Variants in SPATA22 observed in about 807,000 individuals in gnomAD.
SPATA22 encodes spermatogenesis-associated protein 22.
SPATA22 carries 29 observed loss-of-function variants against 47.8 expected under a neutral mutation model. The ratio of observed to expected loss-of-function variants is 0.61; its 90% CI spans 0.45 to 0.83. The LOEUF (loss-of-function observed/expected upper bound fraction) is 0.83. SPATA22 is among the 40% of genes least tolerant of loss of function. SPATA22 has a pLI of 0.00. For missense variants in SPATA22, 410 were observed against 421.7 expected (o/e 0.97, Z 0.24); for synonymous variants, 133 against 140.9 (o/e 0.94, Z 0.40).
intron 1 of SPATA22, among the ~76,000 whole-genome samples, chr17:3,507,307 A>G (rs186442629): frequency 1.3e-4 from 20 of 152,350 alleles, no homozygotes; most frequent in Admixed American, 1.3e-3. Context: ...TATAAACATT[A>G]AATGAGACAT....
chr17:3,467,968 C>A (rs963027240), intron 2 of SPATA22, among the ~76,000 whole-genome samples: 2 of 152,174 alleles, frequency 1.3e-5, no homozygotes, highest in Non-Finnish European at 2.9e-5. Flanking sequence ...GTGGCACACC[C>A]TTTTGGGCCT....
chr17:3,495,977 T>C (rs9906620), intron 1 of SPATA22, among the ~76,000 whole-genome samples: 6,124 of 152,254 alleles, frequency 0.04, 390 homozygotes, highest in African/African-American at 0.14. Context: ...GATGATATCA[T>C]GGCAGGCTAA....
intron 3 of SPATA22, among the ~76,000 whole-genome samples, chr17:3,463,854 G>A (rs2073190983): frequency 6.6e-6 from 1 of 151,468 alleles, no homozygotes; most frequent in East Asian, 1.9e-4. Flanking sequence ...TTCAAAGATC[G>A]ATTATACCTC....
chr17:3,467,525 T>C lies in SPATA22; in HGVS notation c.73A>G (p.Lys25Glu), dbSNP rs1247566855. 1.2e-6 allele frequency: 2 copies of C among 1,609,040 alleles called. No individual in the cohort carries two copies. The highest frequency in any genetic ancestry group is 1.7e-6 in the Non-Finnish European group (2 of 1,177,558). Residue 25 changes from lysine (K) to glutamate (E), a missense_variant, in exon 3 of 9, where the codon AAA becomes GAA. Physicochemically the swap from Lys to Glu is moderately conservative, Grantham distance 56. Coordinates refer to ENST00000572969, the MANE Select transcript of SPATA22 (RefSeq NM_001170698.2). ...GCLPVPLFNQ[K>E]KRNRQPLTSN... Reference sequence around the variant, plus strand: ...GTTAATGGCTGTCTGTTCCTCTTTTTCTGATTGAACAACGGAACAGGCAAA... The same window carrying C: ...GTTAATGGCTGTCTGTTCCTCTTTTCCTGATTGAACAACGGAACAGGCAAA...
intron 1 of SPATA22, among the ~76,000 whole-genome samples, chr17:3,496,467 C>A (rs930281359): frequency 6.6e-6 from 1 of 152,142 alleles, no homozygotes; most frequent in East Asian, 1.9e-4. Context: ...AGATGAGAAG[C>A]CAGCCATGTG....
rs1567602778 is a variant in SPATA22 at position 3,465,061 on chromosome 17, G to GTGTGCCCAACAGCTCATTGAGAAC, written c.173-2295_173-2294insGTTCTCAATGAGCTGTTGGGCACA. 1.1e-3 allele frequency among the ~76,000 whole-genome samples: 143 copies of GTGTGCCCAACAGCTCATTGAGAAC among 124,924 alleles called. 6 individuals are homozygous for GTGTGCCCAACAGCTCATTGAGAAC. The highest frequency in any genetic ancestry group is 1.5e-3 in the African/African-American group (50 of 34,364). The allele number at this position is 124,924 out of a possible 152,430, so 82.0% of individuals were successfully genotyped here. On this transcript the variant is annotated intron_variant, in intron 3 of 8. Transcript: ENST00000572969. The stretch of plus-strand genomic sequence containing the variant: ...CCCGGCCAGCCGCCCCGTCCGGGAG[G>GTGTGCCCAACAGCTCATTGAGAAC]GAGGTGGGGGGTCAGCCCCTCCACC...
intron 5 of SPATA22, among the ~76,000 whole-genome samples, chr17:3,457,709 A>C (rs1396273863): frequency 6.6e-6 from 1 of 152,224 alleles, no homozygotes; most frequent in Non-Finnish European, 1.5e-5. Context: ...AAGTGAGAAG[A>C]ACACACAATG....
intron 1 of SPATA22, chr17:3,483,707 G>A: frequency 9.8e-7 from 1 of 1,022,252 alleles, no homozygotes; most frequent in Non-Finnish European, 1.5e-6. Context: ...CTGTCACCCA[G>A]GCTGGAGTCC....
At chr17:3,450,336 T>C (rs141623933) in intron 5 of SPATA22, among the ~76,000 whole-genome samples, 152 of 152,328 alleles carry the variant, frequency 1.0e-3, no homozygotes, top group Non-Finnish European at 1.6e-3. Context: ...ACACTGTTAA[T>C]TGGGTACAAA....
chr17:3,445,762 T>C (rs1441374467), intron 7 of SPATA22, among the ~76,000 whole-genome samples: 4 of 152,122 alleles, frequency 2.6e-5, no homozygotes, highest in African/African-American at 9.7e-5. Flanking sequence ...GTGAAATGAC[T>C]GCACTGATAG....
intron 1 of SPATA22, among the ~76,000 whole-genome samples, chr17:3,507,657 G>T (rs143792266): frequency 6.6e-5 from 10 of 152,294 alleles, no homozygotes; most frequent in South Asian, 6.2e-4. Flanking sequence ...ATGTCATTCC[G>T]TCTGTCTCCA....
At chr17:3,456,574 A>G (rs1450869276) in intron 5 of SPATA22, among the ~76,000 whole-genome samples, 2 of 152,210 alleles carry the variant, frequency 1.3e-5, no homozygotes, top group Non-Finnish European at 2.9e-5. Flanking sequence ...CCAATGAAAA[A>G]GAGTCCAGGA....
intron 5 of SPATA22, among the ~76,000 whole-genome samples, chr17:3,458,820 G>C (rs1438951810): frequency 9.2e-6 from 1 of 108,602 alleles, no homozygotes. Context: ...ACATTGTCTT[G>C]TTGCCACTGC....
At chr17:3,508,120 T>C (rs1367712287) in intron 1 of SPATA22, among the ~76,000 whole-genome samples, 1 of 152,198 alleles carries the variant, frequency 6.6e-6, no homozygotes, top group Non-Finnish European at 1.5e-5. Flanking sequence ...ACAAATTGGT[T>C]GCAAGTTCCA....
At chr17:3,493,603 T>C (rs932295053) in intron 1 of SPATA22, among the ~76,000 whole-genome samples, 1 of 144,650 alleles carries the variant, frequency 6.9e-6, no homozygotes, top group Non-Finnish European at 1.5e-5. Context: ...AAGAGCACGA[T>C]ACTGAAGTCA....
At chr17:3,479,917 C>G (rs533144198) in intron 1 of SPATA22, among the ~76,000 whole-genome samples, 2 of 152,116 alleles carry the variant, frequency 1.3e-5, no homozygotes, top group South Asian at 2.1e-4. Context: ...AAAAATGTAT[C>G]TTAACCATTG....
chr17:3,452,894 C>T (rs2072898196), intron 5 of SPATA22, among the ~76,000 whole-genome samples: 1 of 152,070 alleles, frequency 6.6e-6, no homozygotes, highest in Non-Finnish European at 1.5e-5. Flanking sequence ...AATCAAAAAC[C>T]TCTCAACAAA....
At chr17:3,457,409 A>C (rs2073022015) in intron 5 of SPATA22, among the ~76,000 whole-genome samples, 2 of 152,188 alleles carry the variant, frequency 1.3e-5, no homozygotes, top group South Asian at 4.1e-4. Flanking sequence ...AAACTACCCA[A>C]AGTGATCTAC....
At chr17:3,445,696 T>C (rs553153061) in intron 7 of SPATA22, among the ~76,000 whole-genome samples, 98 of 152,304 alleles carry the variant, frequency 6.4e-4, no homozygotes, top group Non-Finnish European at 1.1e-3. Flanking sequence ...ATAAAGCTTT[T>C]TCCTTAATGG....
Sources: allele counts gnomAD v4.1 joint callset (sites outside exome capture counted in the v4.1 genomes callset), GRCh38; gene constraint gnomAD v4.1.1; transcripts MANE v1.5; gene names NCBI Gene and HGNC (gene_info 2026-07-23, HGNC 2026-07-21).